Variants in GALNT11 observed in about 807,000 individuals in gnomAD.
GALNT11 encodes polypeptide N-acetylgalactosaminyltransferase 11, also known as UDP-GalNAc:polypeptide N-acetylgalactosaminyltransferase 11.
In GALNT11, 47 loss-of-function variants were observed where a neutral mutation model predicts 72.7. The observed-to-expected ratio is 0.65, with a 90% confidence interval of 0.51 to 0.82. GALNT11 has a LOEUF of 0.82. Ranked by LOEUF, GALNT11 falls within the 40% of genes least tolerant of loss-of-function variation. The pLI, the probability that GALNT11 is intolerant of heterozygous loss-of-function variation, is 0.00. For missense variants in GALNT11, 677 were observed against 778.4 expected (o/e 0.87, Z 1.55); for synonymous variants, 270 against 286.6 (o/e 0.94, Z 0.58).
At position 152,100,797 on chromosome 7, in the gene GALNT11, G is replaced by A; in HGVS notation, c.296-1G>A. The A allele has an allele frequency of 6.2e-7, 1 of 1,613,354 alleles. No homozygotes were observed. ...CGCTGACTAACTTCACTCTTTTGCA[G>A]GTATGATTTTTAATGAACGCGATCA... On this transcript the variant is annotated splice_acceptor_variant, in intron 2 of 11. Coordinates refer to ENST00000430044, the MANE Select transcript of GALNT11 (RefSeq NM_022087.4). LOFTEE classifies it high-confidence loss of function.
intron 1 of GALNT11, among the ~76,000 whole-genome samples, chr7:152,050,938 C>T (rs1563047361): frequency 6.6e-6 from 1 of 152,144 alleles, no homozygotes; most frequent in Non-Finnish European, 1.5e-5. Flanking sequence ...ACAATCCCTG[C>T]CCTCTCCCTC....
intron 1 of GALNT11, among the ~76,000 whole-genome samples, chr7:152,092,819 T>C (rs1356594930): frequency 6.6e-6 from 1 of 152,242 alleles, no homozygotes; most frequent in Non-Finnish European, 1.5e-5. Flanking sequence ...CTACATTGCT[T>C]ATATGGTTTC....
chr7:152,050,127 G>A (rs2083323700), intron 1 of GALNT11, among the ~76,000 whole-genome samples: 1 of 151,998 alleles, frequency 6.6e-6, no homozygotes, highest in African/African-American at 2.4e-5. Flanking sequence ...TGATACCTAG[G>A]CTGCAAGACA....
In GALNT11 at chr7:152,059,466, A is replaced by G. The variant is rs143913893; in HGVS notation, c.-39+33582A>G. 8.1e-4 allele frequency among the ~76,000 whole-genome samples: 124 copies of G among 152,300 alleles called. 1 individual carries two copies. Among genetic ancestry groups the G allele is most frequent in the Middle Eastern group, 6.8e-3 (2 of 294 alleles). On this transcript the variant is annotated intron_variant, in intron 1 of 11. Transcript: ENST00000430044. ...CCAGAAAGTTTTCAATTTATTTTGC[A>G]CAGATCCACCAAAGGAATCACTGTC...
chr7:152,048,719 A>G (rs2083261530), intron 1 of GALNT11, among the ~76,000 whole-genome samples: 1 of 151,580 alleles, frequency 6.6e-6, no homozygotes, highest in African/African-American at 2.4e-5. Flanking sequence ...TTTAGTAGAG[A>G]CGGGGTTTCA....
Position 152,120,886 on chromosome 7 carries a change from A to C in GALNT11, c.1613A>C (p.Asp538Ala). ...GTTTTAAATAGTCTCCTTTGTCTAG[A>C]TATGTCAGAGACTCGCTCATCAGAC... ...ELVLNSLLCLDMSETRSSDPP... is the reference protein window; with the variant it reads ...ELVLNSLLCLAMSETRSSDPP... The change falls in exon 11 of 12, where the codon GAT becomes GCT. Residue 538 changes from aspartate (D) to alanine (A), a missense_variant. Transcript: ENST00000430044. 2.5e-6 allele frequency: 4 copies of C among 1,613,708 alleles called. No individual in the cohort carries two copies. The highest frequency in any genetic ancestry group is 3.4e-6 in the Non-Finnish European group (4 of 1,179,668).
At chr7:152,104,677 G>A (rs1329404292) in intron 4 of GALNT11, 3 of 152,182 alleles carry the variant, frequency 2.0e-5, no homozygotes, top group Admixed American at 1.3e-4. Flanking sequence ...TATCTTACAC[G>A]ATCTTTCAAG....
chr7:152,105,420 C>G (rs146169444), intron 5 of GALNT11, 50 bp downstream of exon 5: 1 of 1,583,788 alleles, frequency 6.3e-7, no homozygotes, highest in Non-Finnish European at 8.6e-7. Flanking sequence ...GACAAGGGCT[C>G]GAGCCTCAGC....
At chr7:152,070,822 A>C (rs2084592136) in intron 1 of GALNT11, among the ~76,000 whole-genome samples, 3 of 152,238 alleles carry the variant, frequency 2.0e-5, no homozygotes, top group African/African-American at 7.2e-5. Flanking sequence ...ATTTTCCTTA[A>C]GCGTAGGCCA....
chr7:152,087,621 C>G (rs2129030085), intron 1 of GALNT11, among the ~76,000 whole-genome samples: 1 of 152,292 alleles, frequency 6.6e-6, no homozygotes, highest in Admixed American at 6.5e-5. Flanking sequence ...TCAGTTTTTA[C>G]TATATTCATC....
intron 10 of GALNT11, 60 bp from the exon 11 acceptor site, chr7:152,120,771 C>A: frequency 7.2e-7 from 1 of 1,387,116 alleles, no homozygotes. Context: ...GAAGAATATG[C>A]AAAGTGTTGT....
chr7:152,067,867 T>G (rs973621481), intron 1 of GALNT11, among the ~76,000 whole-genome samples: 6 of 152,124 alleles, frequency 3.9e-5, no homozygotes, highest in African/African-American at 1.4e-4. Context: ...CTGCTTGGCT[T>G]CTAGGAAGGC....
At chr7:152,042,868 A>C (rs58080084) in intron 1 of GALNT11, among the ~76,000 whole-genome samples, 1 of 152,068 alleles carries the variant, frequency 6.6e-6, no homozygotes, top group Non-Finnish European at 1.5e-5. Flanking sequence ...GGGCTTTACC[A>C]CTCCAACTAT....
At position 152,094,056 on chromosome 7, in the gene GALNT11, T is replaced by C. The variant is rs2086214641; in HGVS notation, c.-38-134T>C. The C allele has an allele frequency of 5.4e-6, 4 of 737,830 alleles. No homozygotes were observed. The highest frequency in any genetic ancestry group is 4.4e-6 in the Non-Finnish European group (2 of 459,602). The allele number at this position is 737,830 out of a possible 1,614,324, so 45.7% of individuals were successfully genotyped here. Reference sequence around the variant, plus strand: ...TTAAAAACTCAGTACTATCCATACATCTTCTTGTATTTGAATATCCGTTAA... The same window carrying C: ...TTAAAAACTCAGTACTATCCATACACCTTCTTGTATTTGAATATCCGTTAA... On this transcript the variant is annotated intron_variant, in intron 1 of 11. Coordinates refer to ENST00000430044, the MANE Select transcript of GALNT11 (RefSeq NM_022087.4). This position sits in a 1 kb window ranked among gnomAD's most constrained non-coding sequence, Gnocchi z 4.3.
intron 8 of GALNT11, among the ~76,000 whole-genome samples, chr7:152,113,712 CTTTTTTTTTTTTTTTTTTTTTTTTTT>C (rs6150397): frequency 0.024 from 2,286 of 97,068 alleles, 95 homozygotes; most frequent in African/African-American, 0.094. Flanking sequence ...AGTTGGCTTT[CTTTTTTTTTTTTTTTTTTTTTTTTTT>C]TTTTTTTTTT....
At chr7:152,099,530 G>GTTTTTTTTTTTTTT (rs1009548038) in intron 2 of GALNT11, among the ~76,000 whole-genome samples, 3 of 57,784 alleles carry the variant, frequency 5.2e-5, no homozygotes, top group Admixed American at 2.1e-4. Flanking sequence ...CTCCCGCCTA[G>GTTTTTTTTTTTTTT]TTTTTTTTTT....
intron 1 of GALNT11, among the ~76,000 whole-genome samples, chr7:152,033,959 C>T (rs1438577944): frequency 6.6e-5 from 10 of 152,170 alleles, no homozygotes; most frequent in African/African-American, 1.9e-4. Context: ...CAAGTGACAT[C>T]GAAGGTTTGC....
At chr7:152,100,641 A>AATC (rs1397788811) in intron 2 of GALNT11, among the ~76,000 whole-genome samples, 157 bp from the exon 3 acceptor site, 1 of 152,130 alleles carries the variant, frequency 6.6e-6, no homozygotes, top group Non-Finnish European at 1.5e-5. Context: ...CTAGACTGAT[A>AATC]AGAATTTGAC....
intron 1 of GALNT11, among the ~76,000 whole-genome samples, chr7:152,054,013 A>G (rs1394397812): frequency 6.6e-6 from 1 of 152,026 alleles, no homozygotes; most frequent in Non-Finnish European, 1.5e-5. Context: ...TTTCCAATGT[A>G]TTTCCTTGTA....
Sources: gnomAD v4.1 joint callset for allele counts (sites outside exome capture counted in the v4.1 genomes callset) on GRCh38, gnomAD v4.1.1 for gene constraint, Gnocchi (gnomAD v3.1) non-coding constraint, MANE v1.5 for transcripts, NCBI Gene and HGNC (gene_info 2026-07-23, HGNC 2026-07-21) for gene names.